Variants in SMPDL3B observed in about 807,000 individuals in gnomAD.
The protein encoded by SMPDL3B is acid sphingomyelinase-like phosphodiesterase 3b.
SMPDL3B carries 31 observed loss-of-function variants against 37.9 expected under a neutral mutation model. The ratio of observed to expected loss-of-function variants is 0.82; its 90% CI spans 0.61 to 1.10. SMPDL3B has a LOEUF of 1.10. Among genes scored for constraint, SMPDL3B ranks in the 50% least tolerant of loss-of-function variants. SMPDL3B has a pLI of 0.00. For synonymous variants in SMPDL3B, 235 were observed against 242.6 expected (o/e 0.97, Z 0.29); for missense variants, 525 against 597.8 (o/e 0.88, Z 1.27).
At chr1:27,949,288 C>A in intron 3 of SMPDL3B, 126 bp downstream of exon 3, 1 of 973,524 alleles carries the variant, frequency 1.0e-6, no homozygotes, top group Admixed American at 2.0e-5. Flanking sequence ...TGGCTGTTGG[C>A]CAGGTCTTCA....
chr1:27,935,094 C>G lies in SMPDL3B; in HGVS notation c.-90C>G. 11 of 967,836 alleles carry G rather than the reference C, an allele frequency of 1.1e-5. No individual in the cohort carries two copies. Among genetic ancestry groups the G allele is most frequent in the Non-Finnish European group, 1.6e-5 (10 of 611,236 alleles). 60.0% of individuals were successfully genotyped at this position (967,836 alleles called of 1,614,324 possible). A position where few individuals can be genotyped will look rare whatever the true frequency, so the allele number is the denominator to read the frequency against. On this transcript the variant is annotated 5_prime_UTR_variant, in exon 1 of 8. Transcript: ENST00000373894. ...CAGGACAAGGAGTTCTGCTCAGGCA[C>G]GTGGCCACAGAAAACTACTTAGGAA... is the stretch of plus-strand genomic sequence containing the variant.
chr1:27,940,446 A>ATTCTGTTC (rs11267294), intron 1 of SMPDL3B, among the ~76,000 whole-genome samples: 3 of 152,156 alleles, frequency 2.0e-5, no homozygotes, highest in Admixed American at 6.5e-5. Context: ...CCATTTATGA[A>ATTCTGTTC]ATCATCTCAC....
intron 1 of SMPDL3B, among the ~76,000 whole-genome samples, chr1:27,940,531 C>T (rs1230405830): frequency 5.3e-5 from 8 of 152,016 alleles, no homozygotes; most frequent in Admixed American, 2.6e-4. Flanking sequence ...GAGGAGGAAA[C>T]GGGCCCAGGG....
Position 27,956,481 on chromosome 1 carries a change from C to T in SMPDL3B, c.1005+399C>T, listed in dbSNP as rs79169540. On this transcript the variant is annotated intron_variant, in intron 7 of 7. Transcript: ENST00000373894. ...AAAGTTGTGTCTCCTTGACCTAGTA[C>T]TCAAGGCTTCCCACAGTCTGACTTC... The T allele has an allele frequency of 5.7e-4, 663 of 1,167,016 alleles. 2 individuals carry two copies. The African/African-American group carries it at 9.8e-3, about 17-fold the overall frequency. The allele number at this position is 1,167,016 out of a possible 1,614,324, so 72.3% of individuals were successfully genotyped here.
At position 27,955,824 on chromosome 1, in the gene SMPDL3B, C is replaced by G; in HGVS notation, c.831C>G (p.His277Gln). The change falls in exon 6 of 8, where the codon CAC becomes CAG. Residue 277 changes from histidine (H) to glutamine (Q), a missense_variant. Physicochemically the swap from His to Gln is conservative, Grantham distance 24. Coordinates refer to ENST00000373894, the MANE Select transcript of SMPDL3B (RefSeq NM_014474.4). Reference sequence around the variant, plus strand: ...TCATAGCAGGGCAGTTCTTCGGGCACCACCACACCGACAGCTTTCGGATGC... The same window carrying G: ...TCATAGCAGGGCAGTTCTTCGGGCAGCACCACACCGACAGCTTTCGGATGC... ...HRVIAGQFFG[H>Q]HHTDSFRMLY... 1 of 1,614,070 alleles carries G rather than the reference C, an allele frequency of 6.2e-7. No individual in the cohort carries two copies. The highest frequency in any genetic ancestry group is 8.5e-7 in the Non-Finnish European group (1 of 1,179,996).
intron 1 of SMPDL3B, among the ~76,000 whole-genome samples, chr1:27,941,948 CCACCATT>C (rs2090363090): frequency 6.6e-6 from 1 of 152,114 alleles, no homozygotes; most frequent in African/African-American, 2.4e-5. Context: ...CTGGCTCTCT[CCACCATT>C]CTGTCCACTA....
chr1:27,949,141 C>G lies in SMPDL3B; in HGVS notation c.352C>G (p.Leu118Val), dbSNP rs1263413704. The change falls in exon 3 of 8, where the codon CTC (leucine) becomes GTC (valine). Residue 118 changes from leucine to valine, a missense_variant. By Grantham distance (32) the Leu-to-Val change is conservative. Transcript: ENST00000373894. ...GGAAATTGTGGAACGCCTGACCAAG[C>G]TCATCAGAGAGGTCTTTCCAGGTAA... ...VLEIVERLTK[L>V]IREVFPDTKV... is the part of the protein sequence containing the mutation. The G allele has an allele frequency of 6.2e-7, 1 of 1,614,216 alleles. No individual in the cohort carries two copies. Among genetic ancestry groups the G allele is most frequent in the South Asian group, 1.1e-5 (1 of 91,084 alleles).
chr1:27,955,475 G>A (rs2148681305), intron 5 of SMPDL3B, among the ~76,000 whole-genome samples: 1 of 152,334 alleles, frequency 6.6e-6, no homozygotes, highest in Non-Finnish European at 1.5e-5. Context: ...GGGTACTCCA[G>A]GTGGCAGGCA....
At chr1:27,941,668 T>G (rs1571648825) in intron 1 of SMPDL3B, 1 of 152,552 alleles carries the variant, frequency 6.6e-6, no homozygotes. Context: ...TGAGATGAGG[T>G]GGTCAGGGGA....
chr1:27,952,240 A>T (rs1278210049), intron 3 of SMPDL3B, among the ~76,000 whole-genome samples: 1 of 151,788 alleles, frequency 6.6e-6, no homozygotes, highest in Non-Finnish European at 1.5e-5. Flanking sequence ...TTTTCTAGGC[A>T]GTTACAGTGA....
In SMPDL3B at chr1:27,941,079, C is replaced by T. The variant is rs561282525; in HGVS notation, c.62-4153C>T. Among the ~76,000 whole-genome samples, 58 of 152,338 alleles carry T rather than the reference C, an allele frequency of 3.8e-4. No homozygotes were observed. The South Asian group carries it at 8.3e-3, about 22-fold the overall frequency. On this transcript the variant is annotated intron_variant, in intron 1 of 7. Transcript: ENST00000373894. ...AGGCTGGATTAGAAACCAGATCTCC[C>T]ACCTCCCCATCCATGGTCCTGACAT...
intron 1 of SMPDL3B, among the ~76,000 whole-genome samples, chr1:27,940,403 C>T (rs1434251380): frequency 6.6e-6 from 1 of 151,876 alleles, no homozygotes; most frequent in Non-Finnish European, 1.5e-5. Context: ...TGTAGAACCC[C>T]CCAGGAACCA....
chr1:27,958,444 C>A lies in SMPDL3B; in HGVS notation c.1006-32C>A. 1 of 1,566,138 alleles carries A rather than the reference C, an allele frequency of 6.4e-7. No homozygotes were observed. Among genetic ancestry groups the A allele is most frequent in the South Asian group, 1.2e-5 (1 of 84,984 alleles). On this transcript the variant is annotated intron_variant, in intron 7 of 7. Coordinates refer to ENST00000373894, the MANE Select transcript of SMPDL3B (RefSeq NM_014474.4). This position sits in a 1 kb window ranked among gnomAD's most constrained non-coding sequence, Gnocchi z 5.6. ...ATGGGGATGGAAGCAGACAACTGCT[C>A]ACAGCCGGTCTACCCCAAACCCTTT...
At chr1:27,948,498 TG>T (rs2090429265) in intron 2 of SMPDL3B, among the ~76,000 whole-genome samples, 1 of 152,118 alleles carries the variant, frequency 6.6e-6, no homozygotes, top group Non-Finnish European at 1.5e-5. Context: ...CCAAGAATTT[TG>T]ATTCATGGCA....
In SMPDL3B at chr1:27,959,071, TGAC is replaced by T. The variant is rs1181002751; in HGVS notation, c.*237_*239del. 1 of 542,566 alleles carries T rather than the reference TGAC, an allele frequency of 1.8e-6. No homozygotes were observed. The highest frequency in any genetic ancestry group is 3.3e-6 in the Non-Finnish European group (1 of 306,010). 33.6% of individuals were successfully genotyped at this position (542,566 alleles called of 1,614,324 possible). A position where few individuals can be genotyped will look rare whatever the true frequency, so the allele number is the denominator to read the frequency against. On this transcript the variant is annotated 3_prime_UTR_variant, in exon 8 of 8. Transcript: ENST00000373894. ...AAACAAACCAGAAACAGAAAAGAAA[TGAC>T]GACCCAAGACCCCCCTACAAGCATA...
intron 1 of SMPDL3B, among the ~76,000 whole-genome samples, chr1:27,939,814 TTTTG>T (rs141670645): frequency 0.5 from 74,935 of 150,754 alleles, 18,649 homozygotes; most frequent in Non-Finnish European, 0.52. Flanking sequence ...GTTTGTTTGT[TTTTG>T]TTTGTTTGTT....
chr1:27,952,037 C>T (rs536604034), intron 3 of SMPDL3B, among the ~76,000 whole-genome samples: 2 of 152,324 alleles, frequency 1.3e-5, no homozygotes, highest in South Asian at 4.1e-4. Context: ...GGTGAGACAC[C>T]ATTCCAGGAG....
chr1:27,948,211 T>A (rs771834431), intron 2 of SMPDL3B, among the ~76,000 whole-genome samples: 1 of 152,176 alleles, frequency 6.6e-6, no homozygotes, highest in Non-Finnish European at 1.5e-5. Context: ...TTTCTTTATC[T>A]GTCAAACGGG....
chr1:27,956,903 T>C (rs1638302978), intron 7 of SMPDL3B, among the ~76,000 whole-genome samples: 1 of 151,388 alleles, frequency 6.6e-6, no homozygotes, highest in African/African-American at 2.4e-5. Context: ...GTTCTGAGTG[T>C]ATTGAGGGAG....
Sources: gnomAD v4.1 joint callset for allele counts (sites outside exome capture counted in the v4.1 genomes callset) on GRCh38, gnomAD v4.1.1 for gene constraint, Gnocchi (gnomAD v3.1) non-coding constraint, MANE v1.5 for transcripts, NCBI Gene and HGNC (gene_info 2026-07-23, HGNC 2026-07-21) for gene names.